The following NBEA variants were observed in gnomAD, a reference collection of about 807,000 sequenced individuals.
The protein encoded by NBEA is neurobeachin.
NBEA carries 44 observed loss-of-function variants against 343.4 expected under a neutral mutation model. The observed-to-expected ratio is 0.13, with a 90% CI of 0.10 to 0.16. The LOEUF (loss-of-function observed/expected upper bound fraction) is 0.16. NBEA is among the 10% of genes least tolerant of loss of function. The probability of loss-of-function intolerance (pLI) is 1.00; values close to 1 mark genes in which losing one functional copy is unlikely to be tolerated. For synonymous variants in NBEA, 1,175 were observed against 1,238.7 expected (o/e 0.95, Z 1.08); for missense variants, 2,555 against 3,631.3 (o/e 0.70, Z 7.62).
At chr13:35,557,708 T>C (rs540643626) in intron 44 of NBEA, among the ~76,000 whole-genome samples, 40 of 152,178 alleles carry the variant, frequency 2.6e-4, no homozygotes, top group Non-Finnish European at 4.4e-5. Context: ...ACACTTACAG[T>C]CTAGATGAAT....
At chr13:35,395,399 A>G (rs1276293077) in intron 38 of NBEA, among the ~76,000 whole-genome samples, 1 of 151,832 alleles carries the variant, frequency 6.6e-6, no homozygotes, top group Non-Finnish European at 1.5e-5. Flanking sequence ...CTGGTTATGT[A>G]AGACGTGTCT....
intron 36 of NBEA, among the ~76,000 whole-genome samples, chr13:35,317,203 G>C (rs900435383): frequency 6.6e-6 from 1 of 152,202 alleles, no homozygotes; most frequent in African/African-American, 2.4e-5. Flanking sequence ...TGTCCTGAAA[G>C]GCATTGCCTA....
intron 34 of NBEA, among the ~76,000 whole-genome samples, chr13:35,255,347 T>C (rs1413830212): frequency 6.6e-6 from 1 of 152,210 alleles, no homozygotes; most frequent in African/African-American, 2.4e-5. Context: ...TCCCTGAGTT[T>C]TGCTCAGGCA....
chr13:35,363,721 C>T lies in NBEA; in HGVS notation c.6179+11398C>T, dbSNP rs909840090. Among the ~76,000 whole-genome samples, 4 of 151,864 alleles carry T rather than the reference C, an allele frequency of 2.6e-5. 1 individual carries two copies. In the South Asian group the frequency reaches 6.2e-4, roughly 24 times the overall value. On this transcript the variant is annotated intron_variant, in intron 38 of 58. Transcript: ENST00000379939. ...CTAGAACCATCCTAAAACATCTATC[C>T]GATTCGAAGGTACTATATAACCATG...
chr13:35,157,931 T>G (rs774890849), intron 21 of NBEA, among the ~76,000 whole-genome samples: 7 of 152,160 alleles, frequency 4.6e-5, no homozygotes, highest in Non-Finnish European at 7.4e-5. Context: ...AGGAGACTCA[T>G]TAAGTCTTCT....
At chr13:34,972,699 A>T (rs2060038118) in intron 1 of NBEA, among the ~76,000 whole-genome samples, 1 of 152,086 alleles carries the variant, frequency 6.6e-6, no homozygotes, top group Non-Finnish European at 1.5e-5. Flanking sequence ...GACTGTTATG[A>T]TTTCAATTCT....
At chr13:35,148,234 G>A (rs867850596) in intron 18 of NBEA, among the ~76,000 whole-genome samples, 63 of 152,108 alleles carry the variant, frequency 4.1e-4, no homozygotes, top group Admixed American at 3.9e-3. Context: ...GGGGAGTGTG[G>A]GTGTACTCAA....
chr13:35,111,589 A>ATTTTCTCAATTTTTCTATGTTGTTC, intron 13 of NBEA, among the ~76,000 whole-genome samples: 1 of 151,850 alleles, frequency 6.6e-6, no homozygotes, highest in Non-Finnish European at 1.5e-5. Context: ...ATAGATTGAG[A>ATTTTCTCAATTTTTCTATGTTGTTC]TTTTCTCAAT....
chr13:35,574,826 T>C (rs2080652224), intron 45 of NBEA, among the ~76,000 whole-genome samples: 1 of 151,954 alleles, frequency 6.6e-6, no homozygotes, highest in South Asian at 2.1e-4. Flanking sequence ...CTTGGCTCCC[T>C]GCAACCTCCG....
At chr13:35,451,167 A>C (rs1001374549) in intron 39 of NBEA, among the ~76,000 whole-genome samples, 9 of 152,178 alleles carry the variant, frequency 5.9e-5, no homozygotes, top group Non-Finnish European at 7.3e-5. Flanking sequence ...TCTGTCGCCC[A>C]GGCTGGAGTG....
Position 35,670,802 on chromosome 13 carries a change from C to T in NBEA, c.8814-99C>T, listed in dbSNP as rs192964982. 60 of 751,558 alleles carry T rather than the reference C, an allele frequency of 8.0e-5. No individual in the cohort carries two copies. The East Asian group carries it at 1.5e-3, about 18-fold the overall frequency. The allele number at this position is 751,558 out of a possible 1,614,324, so 46.6% of individuals were successfully genotyped here. On this transcript the variant is annotated intron_variant, in intron 58 of 58. Coordinates refer to ENST00000379939, the MANE Select transcript of NBEA (RefSeq NM_001385012.1). ...GCAAACCTTGAGATCGTGATATTGTCTAGTGTAAAATGCCAAACTTTGAGA... is the reference window on the plus strand; with the variant it reads ...GCAAACCTTGAGATCGTGATATTGTTTAGTGTAAAATGCCAAACTTTGAGA...
intron 30 of NBEA, among the ~76,000 whole-genome samples, chr13:35,192,469 T>C (rs981619702): frequency 6.6e-6 from 1 of 152,032 alleles, no homozygotes; most frequent in Non-Finnish European, 1.5e-5. Flanking sequence ...TTTATTTGAA[T>C]AAAAGTCATT....
intron 36 of NBEA, among the ~76,000 whole-genome samples, chr13:35,315,894 CTTTGA>C (rs1482790305): frequency 6.6e-6 from 1 of 151,824 alleles, no homozygotes; most frequent in East Asian, 1.9e-4. Context: ...TCTCTTATGT[CTTTGA>C]TTTGGCAAAA....
At position 35,010,623 on chromosome 13, in the gene NBEA, C is replaced by T. The variant is rs2152532732; in HGVS notation, c.295-30310C>T. Among the ~76,000 whole-genome samples, 3 of 146,192 alleles carry T rather than the reference C, an allele frequency of 2.1e-5. 1 individual carries two copies. In the South Asian group the frequency reaches 6.6e-4, roughly 32 times the overall value. On this transcript the variant is annotated intron_variant, in intron 1 of 58. Coordinates refer to ENST00000379939, the MANE Select transcript of NBEA (RefSeq NM_001385012.1). ...ATGGGCCAGGCATGGTGGCTCGTGC[C>T]TGTAATCCCAGCAGCTTGGGGAATC... is the stretch of plus-strand genomic sequence containing the variant.
chr13:35,193,679 T>G (rs1166322609), intron 30 of NBEA, among the ~76,000 whole-genome samples: 1 of 151,934 alleles, frequency 6.6e-6, no homozygotes, highest in Non-Finnish European at 1.5e-5. Flanking sequence ...TCTTGTCAAA[T>G]GCAGTTATTT....
rs1161433374 is a variant in NBEA at position 35,606,443 on chromosome 13, C to G, written c.7314C>G (p.Phe2438Leu). 6.5e-7 allele frequency: 1 copy of G among 1,537,830 alleles called. No individual in the cohort carries two copies. Among genetic ancestry groups the G allele is most frequent in the Admixed American group, 1.9e-5 (1 of 52,190 alleles). Reference protein sequence around the residue: ...TSDVKELIPEFYYLPEMFVNS... With the variant: ...TSDVKELIPELYYLPEMFVNS... ...CCTGATAGGAACTAATTCCAGAGTTCTACTACCTACCAGAGATGTTTGTCA... is the reference window on the plus strand; with the variant it reads ...CCTGATAGGAACTAATTCCAGAGTTGTACTACCTACCAGAGATGTTTGTCA... The change falls in exon 48 of 59, where the codon TTC becomes TTG. Residue 2438 changes from phenylalanine to leucine, a missense_variant. Coordinates refer to ENST00000379939, the MANE Select transcript of NBEA (RefSeq NM_001385012.1).
Position 35,345,713 on chromosome 13 carries a change from A to G in NBEA, c.5904-3395A>G, listed in dbSNP as rs115305289. 9.0e-3 allele frequency among the ~76,000 whole-genome samples: 1,374 copies of G among 152,110 alleles called. 20 individuals carry two copies. Among genetic ancestry groups the G allele is most frequent in the African/African-American group, 0.031 (1,297 of 41,538 alleles). Reference sequence around the variant, plus strand: ...GGCAAGAGAGTGGTTAAAACATGGAATTGTGGGATCCCAGATGGATGCAAA... The same window carrying G: ...GGCAAGAGAGTGGTTAAAACATGGAGTTGTGGGATCCCAGATGGATGCAAA... On this transcript the variant is annotated intron_variant, in intron 36 of 58. Coordinates refer to ENST00000379939, the MANE Select transcript of NBEA (RefSeq NM_001385012.1).
chr13:35,193,201 C>G (rs1342485764), intron 30 of NBEA, among the ~76,000 whole-genome samples: 1 of 151,888 alleles, frequency 6.6e-6, no homozygotes, highest in Non-Finnish European at 1.5e-5. Context: ...TCCATAGATA[C>G]AAATGTATGT....
chr13:34,964,425 T>C (rs1812746225), intron 1 of NBEA, among the ~76,000 whole-genome samples: 2 of 151,714 alleles, frequency 1.3e-5, no homozygotes, highest in Admixed American at 1.3e-4. Context: ...GACATTTTAT[T>C]TTTTCTCATA....
Sources: allele counts gnomAD v4.1 joint callset (sites outside exome capture counted in the v4.1 genomes callset), GRCh38; gene constraint gnomAD v4.1.1; transcripts MANE v1.5; gene names NCBI Gene and HGNC (gene_info 2026-07-23, HGNC 2026-07-21).